SBF1: variants seen among roughly 807,000 people sequenced by gnomAD.
SBF1 encodes the protein myotubularin-related protein 5.
SBF1 carries 65 observed loss-of-function variants against 215.8 expected under a neutral mutation model. That is an observed-to-expected ratio of 0.30 (90% confidence interval 0.25 to 0.37). The LOEUF (loss-of-function observed/expected upper bound fraction) is 0.37, where lower values mean the gene tolerates loss of function less well. SBF1 is among the 10% of genes least tolerant of loss of function. The pLI, the probability that SBF1 is intolerant of heterozygous loss-of-function variation, is 1.00. For missense variants in SBF1, 2,634 were observed against 2,667.8 expected, an observed-to-expected ratio of 0.99 and a Z score of 0.28; for synonymous variants, 1,410 against 1,122.8, an observed-to-expected ratio of 1.26 and a Z score of -5.11.
Position 50,461,820 on chromosome 22 carries a change from G to A in SBF1, c.2619C>T (p.Ser873=), listed in dbSNP as rs775878111. The A allele has an allele frequency of 1.2e-6, 2 of 1,613,488 alleles. No individual in the cohort carries two copies. Among genetic ancestry groups the A allele is most frequent in the African/African-American group, 1.3e-5 (1 of 74,938 alleles). Residue 873 remains serine, a synonymous_variant, in exon 21 of 41, where the codon AGC becomes AGT. Coordinates refer to ENST00000380817, the MANE Select transcript of SBF1 (RefSeq NM_002972.4). ...CCTTCTGGATGGGCGGCAGCCTCCG[G>A]CTCTCCCGCTGCACGGCCTCCAGGG... ...IETLEAVQRE[S]RRLPPIQKPK...
chr22:50,455,697 GCCC>G, intron 31 of SBF1, 115 bp from the exon 32 acceptor site: 1 of 810,594 alleles, frequency 1.2e-6, no homozygotes, highest in Non-Finnish European at 2.0e-6. Flanking sequence ...CCTGTCCACA[GCCC>G]CCCAAGCCCT....
At position 50,467,710 on chromosome 22, in the gene SBF1, G is replaced by C. The variant is rs2067832570; in HGVS notation, c.280-20C>G. 6.2e-7 allele frequency: 1 copy of C among 1,602,076 alleles called. No homozygotes were observed. Among genetic ancestry groups the C allele is most frequent in the Non-Finnish European group, 8.5e-7 (1 of 1,173,322 alleles). ...CGTTTCCTGCTGGGGGTCAGGGGGA[G>C]ACGGGGGCAGGGGGAGTTGGCCACG... On this transcript the variant is annotated intron_variant, in intron 3 of 40. Transcript: ENST00000380817.
chr22:50,461,525 AG>A lies in SBF1; in HGVS notation c.2836del (p.Leu946TrpfsTer16), dbSNP rs34743427. 6.3e-7 allele frequency: 1 copy of A among 1,596,082 alleles called. No individual in the cohort carries two copies. The highest frequency in any genetic ancestry group is 8.6e-7 in the Non-Finnish European group (1 of 1,167,758). On this transcript the variant is annotated frameshift_variant, in exon 22 of 41. Transcript: ENST00000380817. LOFTEE classifies it high-confidence loss of function. ...GGCCAGAGAGTCTGCAGGCTCACCC[AG>A]GGGGTCCGTGGGCATCCCCGTGAAG... Reference protein sequence around the residue: ...VIFTGMPTDPLVGEQVVVRSF... With the variant: ...VIFTGMPTDPXVGEQVVVRSF...
At chr22:50,465,890 G>C (rs763942512) in intron 9 of SBF1, 50 bp from the exon 10 acceptor site, 1 of 1,610,670 alleles carries the variant, frequency 6.2e-7, no homozygotes, top group Non-Finnish European at 8.5e-7. Flanking sequence ...CCGGCTCTAG[G>C]CTCCCCGTGC....
intron 3 of SBF1, 29 bp from the exon 4 acceptor site, chr22:50,467,719 A>AGGGGGGAGGGGGGGGGG: frequency 1.7e-6 from 1 of 593,432 alleles, no homozygotes; most frequent in Admixed American, 2.9e-5. Flanking sequence ...AGACGGGGGC[A>AGGGGGGAGGGGGGGGGG]GGGGGAGTTG....
At chr22:50,457,008 G>C (rs374843204) in intron 29 of SBF1, 26 bp downstream of exon 29, 1 of 1,408,102 alleles carries the variant, frequency 7.1e-7, no homozygotes, top group Non-Finnish European at 9.3e-7. Flanking sequence ...AAGGGGAGGC[G>C]GGCCTGCGCA....
chr22:50,458,906 G>A (rs2148581465), intron 28 of SBF1, among the ~76,000 whole-genome samples: 1 of 152,362 alleles, frequency 6.6e-6, no homozygotes, highest in South Asian at 2.1e-4. Flanking sequence ...ACAGGACAGA[G>A]GAGCATCTGG....
rs542612373 is a variant in SBF1, at chr22:50,468,764, T to C, written c.56-303A>G. ...CAGCCCTCCATCGAAGGTCAACACT[T>C]CGGGACTGTTCCACAGGCCCCCACA... On this transcript the variant is annotated intron_variant, in intron 1 of 40. Coordinates refer to ENST00000380817, the MANE Select transcript of SBF1 (RefSeq NM_002972.4). 1.4e-4 allele frequency among the ~76,000 whole-genome samples: 21 copies of C among 151,954 alleles called. No homozygotes were observed. In the South Asian group the frequency reaches 4.4e-3, roughly 32 times the overall value.
chr22:50,474,816 C>G lies in SBF1; in HGVS notation c.25G>C (p.Val9Leu). The G allele has an allele frequency of 6.9e-7, 1 of 1,439,514 alleles. No individual in the cohort carries two copies. The highest frequency in any genetic ancestry group is 2.5e-5 in the Admixed American group (1 of 39,656). 89.2% of individuals were successfully genotyped at this position (1,439,514 alleles called of 1,614,324 possible). Residue 9 changes from valine to leucine, a missense_variant, in exon 1 of 41, where the codon GTG becomes CTG. By Grantham distance (32) the Val-to-Leu change is conservative. Coordinates refer to ENST00000380817, the MANE Select transcript of SBF1 (RefSeq NM_002972.4). Reference sequence around the variant, plus strand: ...GGGTGCGGCCCGAACGCCACCAGCACGAAGTAGTCCGCGAGCCGCGCCATG... The same window carrying G: ...GGGTGCGGCCCGAACGCCACCAGCAGGAAGTAGTCCGCGAGCCGCGCCATG... MARLADYF[V>L]LVAFGPHPRG...
At chr22:50,460,244 A>G (rs1196314340) in intron 25 of SBF1, 28 bp downstream of exon 25, 1 of 1,601,456 alleles carries the variant, frequency 6.2e-7, no homozygotes, top group Non-Finnish European at 8.5e-7. Context: ...TCCAGAGACC[A>G]CCCAGGACTC....
rs1463693881 is a variant in SBF1, at chr22:50,464,366, G to A, written c.1712C>T (p.Ser571Phe). The change falls in exon 15 of 41, where the codon TCC (serine) becomes TTC (phenylalanine). Residue 571 changes from serine to phenylalanine, a missense_variant. Transcript: ENST00000380817. ...AAGCATTTTCCCCTCAAACACGTAG[G>A]AGATGCAGTTGCGCACAACCTCCAG... ...RRLEVVRNCI[S>F]YVFEGKMLEA... 5.0e-6 allele frequency: 8 copies of A among 1,613,980 alleles called. No individual in the cohort carries two copies. The highest frequency in any genetic ancestry group is 1.6e-4 in the Middle Eastern group (1 of 6,084).
At position 50,463,420 on chromosome 22, in the gene SBF1, C is replaced by T. The variant is rs762703258; in HGVS notation, c.1762G>A (p.Val588Met). Residue 588 changes from valine (V) to methionine (M), a missense_variant, in exon 16 of 41, where the codon GTG (valine) becomes ATG (methionine). Physicochemically the swap from Val to Met is conservative, Grantham distance 21. Transcript: ENST00000380817. ...MLEAKKLLPA[V>M]LRALKGRAAR... The stretch of plus-strand genomic sequence containing the variant: ...GCTCGCCCCTTCAGGGCCCTCAACA[C>T]GGCTGGGAGCAGCTGGGGGTGGGGA... 5.1e-6 allele frequency: 8 copies of T among 1,575,666 alleles called. No individual in the cohort carries two copies. The highest frequency in any genetic ancestry group is 1.7e-4 in the Middle Eastern group (1 of 5,952).
chr22:50,450,381 C>T (rs1276754812), intron 36 of SBF1, among the ~76,000 whole-genome samples: 1 of 152,030 alleles, frequency 6.6e-6, no homozygotes, highest in Admixed American at 6.6e-5. Flanking sequence ...ATTAGCTGGG[C>T]ATGGTGGCGG....
Position 50,462,952 on chromosome 22 carries a change from G to A in SBF1, c.1900-14C>T, listed in dbSNP as rs749098829. On this transcript the variant is annotated splice_polypyrimidine_tract_variant and intron_variant, in intron 16 of 40. Coordinates refer to ENST00000380817, the MANE Select transcript of SBF1 (RefSeq NM_002972.4). ...AGAAGTGCAGTCCTGCAGGTAGAGCGAGAGACCGTCAGGACCTCTCCCCTC... is the reference window on the plus strand; with the variant it reads ...AGAAGTGCAGTCCTGCAGGTAGAGCAAGAGACCGTCAGGACCTCTCCCCTC... 41 of 1,608,100 alleles carry A rather than the reference G, an allele frequency of 2.5e-5. No individual in the cohort carries two copies. The highest frequency in any genetic ancestry group is 3.3e-4 in the Middle Eastern group (2 of 6,074).
rs778092683 is a variant in SBF1, at chr22:50,454,826, G to C, written c.4800C>G (p.Pro1600=). The change falls in exon 35 of 41, where the codon CCC becomes CCG. Residue 1600 remains proline (P), a synonymous_variant. Transcript: ENST00000380817. ...GGCCCCAGCTTACCTCTGCGTCCTC[G>C]GGCGCATACATGTAATTGTGGAACA... The part of the protein sequence containing the change: ...TPVFHNYMYA[P]EDAEVLRPYS... 1 of 1,613,946 alleles carries C rather than the reference G, an allele frequency of 6.2e-7. No individual in the cohort carries two copies. Among genetic ancestry groups the C allele is most frequent in the South Asian group, 1.1e-5 (1 of 91,082 alleles).
rs751510493 is a variant in SBF1 at position 50,456,587 on chromosome 22, C to G, written c.3991G>C (p.Ala1331Pro). ...GGGCCCCCGTTGGCCTGGGGTGGGG[C>G]CAGCGCGTCTCTGCCAGCTAGCCGG... The part of the protein sequence containing the change: ...GSRLAGRDAL[A>P]PPQANGGPPD... The change falls in exon 30 of 41, where the codon GCC (alanine) becomes CCC (proline). Residue 1331 changes from alanine (A) to proline (P), a missense_variant. Ala to Pro is a conservative substitution (Grantham distance 27). Transcript: ENST00000380817. 2 of 1,551,520 alleles carry G rather than the reference C, an allele frequency of 1.3e-6. No homozygotes were observed. The highest frequency in any genetic ancestry group is 1.7e-6 in the Non-Finnish European group (2 of 1,151,006).
chr22:50,447,440 T>G lies in SBF1; in HGVS notation c.5465A>C (p.Asp1822Ala). ...CTTGCACTCTGTGTCCACACGGTGGTCGTAGTAGCGCAGCTGGAGGAGGCC... is the reference window on the plus strand; with the variant it reads ...CTTGCACTCTGTGTCCACACGGTGGGCGTAGTAGCGCAGCTGGAGGAGGCC... ...DKTKHQLRYY[D>A]HRVDTECKGV... is the part of the protein sequence containing the mutation. Residue 1822 changes from aspartate to alanine, a missense_variant, in exon 40 of 41, where the codon GAC (aspartate) becomes GCC (alanine). By Grantham distance (126) the Asp-to-Ala change is moderately radical. Transcript: ENST00000380817. The G allele has an allele frequency of 6.2e-7, 1 of 1,613,460 alleles. No homozygotes were observed. The highest frequency in any genetic ancestry group is 1.6e-4 in the Middle Eastern group (1 of 6,062).
chr22:50,457,398 T>C (rs958644583), intron 28 of SBF1: 23 of 373,834 alleles, frequency 6.2e-5, no homozygotes, highest in Non-Finnish European at 9.6e-5. Context: ...CAAACCAGCT[T>C]AGAGCAAGTC....
chr22:50,473,336 C>A (rs1230063573), intron 1 of SBF1, among the ~76,000 whole-genome samples: 2 of 152,180 alleles, frequency 1.3e-5, no homozygotes, highest in East Asian at 1.9e-4. Context: ...CACCCTCTGC[C>A]CCAGGTGGTA....
Sources: gnomAD v4.1 joint callset for allele counts (sites outside exome capture counted in the v4.1 genomes callset) on GRCh38, gnomAD v4.1.1 for gene constraint, MANE v1.5 for transcripts, NCBI Gene and HGNC (gene_info 2026-07-23, HGNC 2026-07-21) for gene names.